EIF2AK2: variants seen among roughly 807,000 people sequenced by gnomAD.
EIF2AK2 encodes eukaryotic translation initiation factor 2 alpha kinase 2.
A neutral mutation model predicts 70.5 loss-of-function variants in EIF2AK2; 40 were observed. That is an observed-to-expected ratio of 0.57 (90% CI 0.44 to 0.74). The LOEUF (loss-of-function observed/expected upper bound fraction) is 0.74. EIF2AK2 is among the 30% of genes least tolerant of loss of function. The pLI is 0.00. For synonymous variants in EIF2AK2, 198 were observed against 220.9 expected (o/e 0.90, Z 0.92); for missense variants, 555 against 644.3 (o/e 0.86, Z 1.50).
chr2:37,156,343 A>G (rs1382292545), intron 1 of EIF2AK2, among the ~76,000 whole-genome samples: 2 of 151,932 alleles, frequency 1.3e-5, no homozygotes, highest in Non-Finnish European at 2.9e-5. Flanking sequence ...AGCAGGGGAG[A>G]GTCTGGTTCT....
intron 5 of EIF2AK2, 25 bp downstream of exon 5, chr2:37,141,528 A>G (rs1299544546): frequency 1.2e-6 from 2 of 1,601,744 alleles, no homozygotes; most frequent in East Asian, 2.2e-5. Flanking sequence ...AATGAAACAG[A>G]AAGAAAAGCC....
At chr2:37,145,664 C>T (rs1168931037) in intron 4 of EIF2AK2, among the ~76,000 whole-genome samples, 2 of 150,646 alleles carry the variant, frequency 1.3e-5, no homozygotes, top group Non-Finnish European at 2.9e-5. Context: ...CACTTGCTGA[C>T]AAACTCAGGG....
At chr2:37,123,250 AGT>A (rs1674617967) in intron 11 of EIF2AK2, among the ~76,000 whole-genome samples, 1 of 152,066 alleles carries the variant, frequency 6.6e-6, no homozygotes, top group Non-Finnish European at 1.5e-5. Context: ...TTGAAATGCC[AGT>A]GATGTCATTT....
chr2:37,136,305 T>A (rs949751682), intron 9 of EIF2AK2, among the ~76,000 whole-genome samples: 3 of 152,304 alleles, frequency 2.0e-5, no homozygotes, highest in Non-Finnish European at 4.4e-5. Flanking sequence ...CTCCTTTACC[T>A]CTCCTTCATG....
chr2:37,118,016 C>T (rs1674404893), intron 13 of EIF2AK2, among the ~76,000 whole-genome samples: 1 of 152,014 alleles, frequency 6.6e-6, no homozygotes, highest in African/African-American at 2.4e-5. Flanking sequence ...GTCTCAGTAT[C>T]AAAGCTTGAG....
intron 3 of EIF2AK2, 137 bp from the exon 4 acceptor site, chr2:37,147,110 C>T (rs1310306895): frequency 1.3e-6 from 1 of 747,706 alleles, no homozygotes; most frequent in Non-Finnish European, 2.0e-6. Flanking sequence ...TAAGCAGTCA[C>T]CTCAAACAGT....
intron 14 of EIF2AK2, among the ~76,000 whole-genome samples, chr2:37,113,982 T>C (rs903639651): frequency 6.6e-6 from 1 of 152,188 alleles, no homozygotes; most frequent in African/African-American, 2.4e-5. Flanking sequence ...CAGAATTATT[T>C]GTTCTTGGGA....
chr2:37,107,092 G>A lies in EIF2AK2; in HGVS notation c.*181C>T. ...TGAGCCAGGAAAAAGTAAAATGTAA[G>A]AATGTTTTTGAAGCAAAAAGAAGAA... is the stretch of plus-strand genomic sequence containing the variant. On this transcript the variant is annotated 3_prime_UTR_variant, in exon 17 of 17. Transcript: ENST00000233057. The A allele has an allele frequency of 4.1e-6, 3 of 735,434 alleles. No homozygotes were observed. Among genetic ancestry groups the A allele is most frequent in the South Asian group, 3.2e-5 (1 of 31,366 alleles). The allele number at this position is 735,434 out of a possible 1,614,324, so 45.6% of individuals were successfully genotyped here. A position where few individuals can be genotyped will look rare whatever the true frequency, so the allele number is the denominator to read the frequency against.
chr2:37,134,319 C>T (rs1044474148), intron 10 of EIF2AK2, among the ~76,000 whole-genome samples: 4 of 152,192 alleles, frequency 2.6e-5, no homozygotes, highest in Non-Finnish European at 5.9e-5. Flanking sequence ...TTACAACAAG[C>T]CTCACTTTGC....
At chr2:37,124,415 C>T (rs1292554103) in intron 11 of EIF2AK2, among the ~76,000 whole-genome samples, 1 of 152,192 alleles carries the variant, frequency 6.6e-6, no homozygotes, top group African/African-American at 2.4e-5. Context: ...GCGTACGCTG[C>T]CATGCCCAGC....
chr2:37,135,158 C>T (rs1413439622), intron 10 of EIF2AK2, among the ~76,000 whole-genome samples: 1 of 152,180 alleles, frequency 6.6e-6, no homozygotes, highest in Non-Finnish European at 1.5e-5. Flanking sequence ...CTCTGCCTCT[C>T]ATTGGGTGAG....
chr2:37,148,445 G>A (rs920655106), intron 2 of EIF2AK2: 41 of 400,516 alleles, frequency 1.0e-4, no homozygotes, highest in South Asian at 5.4e-4. Context: ...GAAGCCAGGC[G>A]GAGGAGAGCT....
intron 10 of EIF2AK2, among the ~76,000 whole-genome samples, chr2:37,127,741 ATTTT>A (rs34321110): frequency 6.4e-5 from 8 of 125,428 alleles, no homozygotes; most frequent in Admixed American, 1.6e-4. Context: ...TGTTCCTGCA[ATTTT>A]TTTTTTTTTT....
intron 5 of EIF2AK2, among the ~76,000 whole-genome samples, chr2:37,140,998 G>C (rs1219439867): frequency 2.6e-5 from 4 of 151,996 alleles, no homozygotes; most frequent in Non-Finnish European, 5.9e-5. Flanking sequence ...TAGCTCACTG[G>C]TGATGTTCTC....
chr2:37,115,502 C>T (rs1674311522), intron 13 of EIF2AK2, among the ~76,000 whole-genome samples: 1 of 152,016 alleles, frequency 6.6e-6, no homozygotes, highest in Non-Finnish European at 1.5e-5. Context: ...GTGGAAATGA[C>T]CTAAAGATTA....
At chr2:37,134,005 C>G (rs372090029) in intron 10 of EIF2AK2, among the ~76,000 whole-genome samples, 21 of 152,306 alleles carry the variant, frequency 1.4e-4, no homozygotes, top group Admixed American at 9.2e-4. Flanking sequence ...TTACACAACC[C>G]CTCTTGCTGC....
At chr2:37,121,170 G>A (rs978164740) in intron 12 of EIF2AK2, among the ~76,000 whole-genome samples, 1 of 142,668 alleles carries the variant, frequency 7.0e-6, no homozygotes, top group African/African-American at 2.5e-5. Flanking sequence ...GACTGAGGCA[G>A]GAGAATACTG....
In EIF2AK2 at chr2:37,134,314, A is replaced by G. The variant is rs535873390; in HGVS notation, c.785+1170T>C. Reference sequence around the variant, plus strand: ...TAATTAAACACACCCCACTTTTACAACAAGCCTCACTTTGCTTTTCAGCCT... The same window carrying G: ...TAATTAAACACACCCCACTTTTACAGCAAGCCTCACTTTGCTTTTCAGCCT... On this transcript the variant is annotated intron_variant, in intron 10 of 16. Transcript: ENST00000233057. Among the ~76,000 whole-genome samples the G allele has an allele frequency of 2.6e-5, 4 of 152,268 alleles. No individual in the cohort carries two copies. In the East Asian group the frequency reaches 7.7e-4, roughly 29 times the overall value.
At chr2:37,133,417 T>G (rs370070715) in intron 10 of EIF2AK2, among the ~76,000 whole-genome samples, 1 of 152,270 alleles carries the variant, frequency 6.6e-6, no homozygotes. Flanking sequence ...ACAACTCCTT[T>G]AATCCCTTCC....
Sources: gnomAD v4.1 joint callset for allele counts (sites outside exome capture counted in the v4.1 genomes callset) on GRCh38, gnomAD v4.1.1 for gene constraint, MANE v1.5 for transcripts, NCBI Gene and HGNC (gene_info 2026-07-23, HGNC 2026-07-21) for gene names.